The following TRAK2 variants were observed in gnomAD, a reference collection of about 807,000 sequenced individuals.
TRAK2 encodes trafficking kinesin-binding protein 2.
A neutral mutation model predicts 104.6 loss-of-function variants in TRAK2; 81 were observed. The observed-to-expected ratio is 0.77, with a 90% confidence interval of 0.65 to 0.93. TRAK2 has a LOEUF of 0.93. Ranked by LOEUF, TRAK2 falls within the 40% of genes least tolerant of loss-of-function variation. The probability of loss-of-function intolerance (pLI) is 0.00; values close to 1 mark genes in which losing one functional copy is unlikely to be tolerated. For missense variants in TRAK2, 1,002 were observed against 1,089.0 expected (o/e 0.92, Z 1.12); for synonymous variants, 406 against 394.4 (o/e 1.03, Z -0.35).
intron 3 of TRAK2, among the ~76,000 whole-genome samples, chr2:201,405,945 C>T (rs1951591202): frequency 6.6e-6 from 1 of 152,150 alleles, no homozygotes; most frequent in Non-Finnish European, 1.5e-5. Flanking sequence ...GATCGTGCCA[C>T]TATACTCCAG....
At chr2:201,416,393 G>A (rs766870021) in intron 2 of TRAK2, among the ~76,000 whole-genome samples, 14 of 151,432 alleles carry the variant, frequency 9.2e-5, no homozygotes, top group Non-Finnish European at 1.5e-4. Flanking sequence ...GGAACAGAAT[G>A]AGACCCTTTC....
intron 1 of TRAK2, among the ~76,000 whole-genome samples, chr2:201,442,145 C>T (rs1951930201): frequency 6.6e-6 from 1 of 151,432 alleles, no homozygotes; most frequent in Non-Finnish European, 1.5e-5. Context: ...AATCCCAGCA[C>T]TTTGGGAGGC....
rs774456440 is a variant in TRAK2 at position 201,399,362 on chromosome 2, T to C, written c.480+15A>G. ...CTAATTATTTCATACTGCAGACATT[T>C]GATCAAAGGCTTACTTGATCAAAGG... On this transcript the variant is annotated intron_variant, in intron 5 of 15. Transcript: ENST00000332624. The C allele has an allele frequency of 3.8e-6, 6 of 1,559,360 alleles. No homozygotes were observed. Among genetic ancestry groups the C allele is most frequent in the Non-Finnish European group, 5.3e-6 (6 of 1,134,224 alleles).
At chr2:201,405,207 G>A (rs1272846101) in intron 3 of TRAK2, among the ~76,000 whole-genome samples, 1 of 152,172 alleles carries the variant, frequency 6.6e-6, no homozygotes, top group African/African-American at 2.4e-5. Flanking sequence ...TGGGTTTATG[G>A]TTAATGCTTC....
chr2:201,410,045 C>A (rs952413820), intron 2 of TRAK2, among the ~76,000 whole-genome samples: 1 of 152,218 alleles, frequency 6.6e-6, no homozygotes, highest in African/African-American at 2.4e-5. Flanking sequence ...CGCCTGTAAT[C>A]CCAGCACTCT....
chr2:201,449,886 T>C (rs907086168), intron 1 of TRAK2, among the ~76,000 whole-genome samples: 2 of 151,560 alleles, frequency 1.3e-5, no homozygotes, highest in Admixed American at 6.6e-5. Flanking sequence ...TAGAGACGGG[T>C]TTCTCCATGT....
intron 2 of TRAK2, chr2:201,411,713 G>A (rs994347324): frequency 6.0e-5 from 47 of 780,506 alleles, no homozygotes; most frequent in Non-Finnish European, 1.1e-4. Flanking sequence ...CAGACTCTTT[G>A]GATGGAATTT....
chr2:201,443,893 C>T (rs1951944857), intron 1 of TRAK2, among the ~76,000 whole-genome samples: 1 of 152,030 alleles, frequency 6.6e-6, no homozygotes, highest in South Asian at 2.1e-4. Flanking sequence ...GTTTTTAAAG[C>T]TAAACTCCTT....
chr2:201,406,003 A>G (rs925179684), intron 3 of TRAK2, among the ~76,000 whole-genome samples: 4 of 152,200 alleles, frequency 2.6e-5, no homozygotes, highest in Non-Finnish European at 5.9e-5. Context: ...AAAAGAAAAG[A>G]AAGTTCTCAG....
chr2:201,445,316 T>C (rs892187790), intron 1 of TRAK2, among the ~76,000 whole-genome samples: 3 of 152,176 alleles, frequency 2.0e-5, no homozygotes, highest in Non-Finnish European at 2.9e-5. Context: ...CAGCTGTTCA[T>C]TGAACAGCTT....
chr2:201,437,646 C>G (rs1951888673), intron 1 of TRAK2, among the ~76,000 whole-genome samples: 1 of 152,126 alleles, frequency 6.6e-6, no homozygotes, highest in South Asian at 2.1e-4. Flanking sequence ...TATATAGTCA[C>G]CAGTTCTGTC....
At chr2:201,393,613 C>T (rs1486684400) in intron 9 of TRAK2, among the ~76,000 whole-genome samples, 2 of 152,040 alleles carry the variant, frequency 1.3e-5, no homozygotes, top group African/African-American at 2.4e-5. Context: ...AGTATATGCC[C>T]CAGTTCATCA....
chr2:201,413,298 A>C, intron 2 of TRAK2: 2 of 1,243,476 alleles, frequency 1.6e-6, no homozygotes, highest in Non-Finnish European at 2.3e-6. Context: ...TTTATTAAAC[A>C]TGGACTCCAT....
intron 8 of TRAK2, 54 bp from the exon 9 acceptor site, chr2:201,394,926 T>C (rs911861967): frequency 4.4e-6 from 6 of 1,375,474 alleles, no homozygotes; most frequent in Non-Finnish European, 6.1e-6. Flanking sequence ...AATATAGCTA[T>C]TCTCTTTCTT....
At position 201,423,260 on chromosome 2, in the gene TRAK2, T is replaced by C. The variant is rs186199626; in HGVS notation, c.-199-2554A>G. Among the ~76,000 whole-genome samples the C allele has an allele frequency of 9.9e-4, 151 of 152,284 alleles. 1 individual carries two copies. The highest frequency in any genetic ancestry group is 3.5e-3 in the Admixed American group (53 of 15,294). The stretch of plus-strand genomic sequence containing the variant: ...AGCCCTAATTTTTCTATATTTGAAC[T>C]CAGAAAATTTTAATAAATACTTTAA... On this transcript the variant is annotated intron_variant, in intron 1 of 15. Transcript: ENST00000332624.
intron 1 of TRAK2, among the ~76,000 whole-genome samples, chr2:201,429,120 C>G (rs1951818611): frequency 6.6e-6 from 1 of 152,214 alleles, no homozygotes; most frequent in African/African-American, 2.4e-5. Flanking sequence ...CCAACAGGGA[C>G]AGTTTGACTT....
At chr2:201,411,954 G>A (rs1465980112) in intron 2 of TRAK2, 2 of 965,950 alleles carry the variant, frequency 2.1e-6, no homozygotes, top group South Asian at 1.3e-5. Context: ...GGAGCTTCTA[G>A]TGCTCTGTAA....
chr2:201,434,752 T>G (rs1416303164), intron 1 of TRAK2, among the ~76,000 whole-genome samples: 1 of 152,224 alleles, frequency 6.6e-6, no homozygotes, highest in African/African-American at 2.4e-5. Context: ...TTGCTTGATG[T>G]CCCAGAGTGA....
intron 12 of TRAK2, among the ~76,000 whole-genome samples, chr2:201,388,533 C>T (rs1027536051): frequency 6.6e-6 from 1 of 152,134 alleles, no homozygotes; most frequent in Non-Finnish European, 1.5e-5. Context: ...AAGGAAACAA[C>T]AAAATTTGTA....
Sources: gnomAD v4.1 joint callset for allele counts (sites outside exome capture counted in the v4.1 genomes callset) on GRCh38, gnomAD v4.1.1 for gene constraint, MANE v1.5 for transcripts, NCBI Gene and HGNC (gene_info 2026-07-23, HGNC 2026-07-21) for gene names.